CFAP97: variants seen among roughly 807,000 people sequenced by gnomAD.
CFAP97 encodes cilia- and flagella-associated protein 97.
CFAP97 carries 36 observed loss-of-function variants against 43.1 expected under a neutral mutation model. The observed-to-expected ratio is 0.84, with a 90% CI of 0.64 to 1.10. The LOEUF is 1.10. CFAP97 is among the 50% of genes least tolerant of loss of function. The pLI is 0.00. For missense variants in CFAP97, 657 were observed against 620.3 expected, an observed-to-expected ratio of 1.06 and a Z score of -0.63; for synonymous variants, 228 against 225.7, an observed-to-expected ratio of 1.01 and a Z score of -0.09.
intron 3 of CFAP97, among the ~76,000 whole-genome samples, chr4:185,174,908 C>T (rs1387547024): frequency 6.6e-6 from 1 of 152,108 alleles, no homozygotes; most frequent in Non-Finnish European, 1.5e-5. Flanking sequence ...AGAAAATATG[C>T]TATAATAGTT....
Position 185,162,761 on chromosome 4 carries a change from A to C in CFAP97, c.*37T>G. 2.5e-6 allele frequency: 4 copies of C among 1,602,260 alleles called. No individual in the cohort carries two copies. The highest frequency in any genetic ancestry group is 3.4e-6 in the Non-Finnish European group (4 of 1,173,542). ...AGGAATATGCACGAGCACTTCAAGA[A>C]AAGTTGTGTGAACAATGTTTAAAGT... On this transcript the variant is annotated 3_prime_UTR_variant, in exon 5 of 5. Coordinates refer to ENST00000458385, the MANE Select transcript of CFAP97 (RefSeq NM_020827.3).
At chr4:185,195,475 C>G (rs1428275992) in intron 1 of CFAP97, among the ~76,000 whole-genome samples, 1 of 152,066 alleles carries the variant, frequency 6.6e-6, no homozygotes, top group Non-Finnish European at 1.5e-5. Context: ...AGGGCAAGAC[C>G]TTGTCTCAAA....
chr4:185,174,333 A>G (rs1340544631), intron 3 of CFAP97, among the ~76,000 whole-genome samples: 2 of 152,112 alleles, frequency 1.3e-5, no homozygotes, highest in African/African-American at 4.8e-5. Flanking sequence ...GAAAGCTATC[A>G]TCTATCTCAG....
upstream of CFAP97, among the ~76,000 whole-genome samples, chr4:185,208,178 G>A (rs1448955918): frequency 2.0e-5 from 3 of 151,880 alleles, no homozygotes; most frequent in East Asian, 2.0e-4. Context: ...GCGCGATGTC[G>A]GCTCACTGCG....
chr4:185,162,518 G>C lies in CFAP97; in HGVS notation c.*280C>G. 1 of 367,084 alleles carries C rather than the reference G, an allele frequency of 2.7e-6. No individual in the cohort carries two copies. Among genetic ancestry groups the C allele is most frequent in the Non-Finnish European group, 5.0e-6 (1 of 199,462 alleles). 22.7% of individuals were successfully genotyped at this position (367,084 alleles called of 1,614,324 possible). A position where few individuals can be genotyped will look rare whatever the true frequency, so the allele number is the denominator to read the frequency against. On this transcript the variant is annotated 3_prime_UTR_variant, in exon 5 of 5. Coordinates refer to ENST00000458385, the MANE Select transcript of CFAP97 (RefSeq NM_020827.3). ...GCAATGATACTATCACTACTATTTTGACAGCATGACAACTGAATAATTAGA... is the reference window on the plus strand; with the variant it reads ...GCAATGATACTATCACTACTATTTTCACAGCATGACAACTGAATAATTAGA...
At chr4:185,164,470 T>C (rs1003356871) in intron 3 of CFAP97, among the ~76,000 whole-genome samples, 1 of 152,166 alleles carries the variant, frequency 6.6e-6, no homozygotes, top group African/African-American at 2.4e-5. Context: ...TTCATAAAAA[T>C]CCAAGGGTTT....
intron 1 of CFAP97, among the ~76,000 whole-genome samples, chr4:185,199,666 T>C (rs1736735993): frequency 6.6e-6 from 1 of 151,768 alleles, no homozygotes; most frequent in Admixed American, 6.6e-5. Context: ...CAAGACTCTG[T>C]CCAAAAAAAA....
intron 1 of CFAP97, among the ~76,000 whole-genome samples, chr4:185,194,583 A>G (rs984639549): frequency 6.6e-6 from 1 of 152,198 alleles, no homozygotes; most frequent in Non-Finnish European, 1.5e-5. Context: ...GCTGGAGTAC[A>G]GTGACAGGAT....
At chr4:185,180,555 C>A (rs10019418) in intron 2 of CFAP97, among the ~76,000 whole-genome samples, 70,003 of 151,836 alleles carry the variant, frequency 0.46, 16,201 homozygotes, top group Middle Eastern at 0.56. Flanking sequence ...AATGTCCTCA[C>A]GGTTCACCCA....
chr4:185,207,155 G>T (rs1473458328), upstream of CFAP97, among the ~76,000 whole-genome samples: 1 of 145,932 alleles, frequency 6.9e-6, no homozygotes, highest in East Asian at 2.1e-4. Context: ...TCCTTTGTCA[G>T]TTTTCCAGGT....
chr4:185,199,205 T>C (rs898397205), intron 1 of CFAP97, among the ~76,000 whole-genome samples: 4 of 152,110 alleles, frequency 2.6e-5, no homozygotes, highest in African/African-American at 9.7e-5. Context: ...AAACCCCATC[T>C]CTACAAAAAG....
intron 1 of CFAP97, among the ~76,000 whole-genome samples, chr4:185,196,466 C>CAA (rs58653090): frequency 2.1e-4 from 27 of 129,700 alleles, no homozygotes; most frequent in African/African-American, 6.2e-4. Flanking sequence ...TAGTCCGTCT[C>CAA]AAAAAAAAAA....
intron 2 of CFAP97, among the ~76,000 whole-genome samples, chr4:185,187,642 C>T (rs1352958776): frequency 6.6e-6 from 1 of 151,904 alleles, no homozygotes. Flanking sequence ...ACAGGAGCGG[C>T]AACAACAACA....
intron 1 of CFAP97, among the ~76,000 whole-genome samples, chr4:185,198,789 C>CAAAAAAAAAA (rs58603330): frequency 3.2e-5 from 4 of 124,312 alleles, no homozygotes; most frequent in East Asian, 2.6e-4. Flanking sequence ...AACTCCATCT[C>CAAAAAAAAAA]AAAAAAAAGA....
At chr4:185,177,189 G>T (rs1735585487) in intron 2 of CFAP97, among the ~76,000 whole-genome samples, 2 of 152,090 alleles carry the variant, frequency 1.3e-5, no homozygotes, top group Non-Finnish European at 2.9e-5. Context: ...GAGGCAGGTG[G>T]ATTGCCTGAG....
chr4:185,209,707 G>A, upstream of CFAP97: 1 of 982,408 alleles, frequency 1.0e-6, no homozygotes, highest in Non-Finnish European at 1.2e-6. This position sits in a 1 kb window ranked among gnomAD's most constrained non-coding sequence, Gnocchi z 5.2. Context: ...GCGTCTGCGG[G>A]GGCCGCTCCC....
intron 1 of CFAP97, among the ~76,000 whole-genome samples, chr4:185,193,563 G>A (rs993235619): frequency 1.4e-4 from 21 of 152,110 alleles, no homozygotes; most frequent in Admixed American, 7.9e-4. Context: ...GGAGAATGGC[G>A]TGAACCCAGG....
intron 1 of CFAP97, among the ~76,000 whole-genome samples, chr4:185,196,788 A>C (rs1298689749): frequency 6.6e-6 from 1 of 152,208 alleles, no homozygotes; most frequent in South Asian, 2.1e-4. Context: ...ACAATAAATC[A>C]GGAACCAGAG....
At chr4:185,194,759 A>G (rs886486859) in intron 1 of CFAP97, among the ~76,000 whole-genome samples, 5 of 152,232 alleles carry the variant, frequency 3.3e-5, no homozygotes. Flanking sequence ...TTCTATACTG[A>G]ATTAATAATA....
Sources: gnomAD v4.1 joint callset for allele counts (sites outside exome capture counted in the v4.1 genomes callset) on GRCh38, gnomAD v4.1.1 for gene constraint, Gnocchi (gnomAD v3.1) non-coding constraint, MANE v1.5 for transcripts, NCBI Gene and HGNC (gene_info 2026-07-23, HGNC 2026-07-21) for gene names.